Variants in CEP63 observed in about 807,000 individuals in gnomAD.
The protein encoded by CEP63 is centrosomal protein 63, also known as centrosomal protein of 63 kDa.
CEP63 carries 84 observed loss-of-function variants against 89.1 expected under a neutral mutation model. The ratio of observed to expected loss-of-function variants is 0.94; its 90% CI spans 0.79 to 1.13. The LOEUF (loss-of-function observed/expected upper bound fraction) is 1.13. Ranked by LOEUF, CEP63 falls within the 50% of genes most tolerant of loss-of-function variation. CEP63 has a pLI of 0.00. For missense variants in CEP63, 838 were observed against 813.3 expected (o/e 1.03, Z -0.37); for synonymous variants, 267 against 272.5 (o/e 0.98, Z 0.20).
chr3:134,722,107 G>A, the CEP63 span, among the ~76,000 whole-genome samples: 2 of 152,048 alleles, frequency 1.3e-5, no homozygotes, highest in Non-Finnish European at 2.9e-5. Flanking sequence ...GGCTTGGGCT[G>A]TTCTTTTTGG....
the CEP63 span, among the ~76,000 whole-genome samples, chr3:134,766,029 A>G: frequency 6.6e-6 from 1 of 152,202 alleles, no homozygotes; most frequent in Non-Finnish European, 1.5e-5. Context: ...CTGACTCCTC[A>G]TGATTTCCAA....
At chr3:134,567,537 C>T (rs1224294176), downstream of CEP63, among the ~76,000 whole-genome samples, 2 of 149,764 alleles carry the variant, frequency 1.3e-5, no homozygotes, top group East Asian at 2.0e-4. Flanking sequence ...TAAGGGAATA[C>T]CACAACACAT....
intron 1 of CEP63, among the ~76,000 whole-genome samples, chr3:134,491,157 T>C (rs747325536): frequency 2.0e-5 from 3 of 152,240 alleles, no homozygotes; most frequent in Admixed American, 6.5e-5. Flanking sequence ...GTCTCCTCTA[T>C]AGCAGTTGTG....
At chr3:134,682,555 C>G in the CEP63 span, among the ~76,000 whole-genome samples, 2 of 152,182 alleles carry the variant, frequency 1.3e-5, no homozygotes, top group Non-Finnish European at 2.9e-5. Context: ...CTCTGGAACA[C>G]TATTATTAAT....
the CEP63 span, among the ~76,000 whole-genome samples, chr3:134,766,894 C>A: frequency 5.9e-5 from 9 of 152,308 alleles, no homozygotes; most frequent in East Asian, 1.4e-3. Context: ...TCTGAACCCC[C>A]CTGACCAACC....
At chr3:134,747,370 T>A in the CEP63 span, among the ~76,000 whole-genome samples, 13 of 152,332 alleles carry the variant, frequency 8.5e-5, no homozygotes, top group African/African-American at 3.1e-4. Context: ...ACAGACATTG[T>A]CCCTGCCATC....
At chr3:134,485,783 G>C (rs1440829381), upstream of CEP63, 1 of 169,046 alleles carries the variant, frequency 5.9e-6, no homozygotes, top group Non-Finnish European at 1.2e-5. Flanking sequence ...GGGAGGTCTG[G>C]GGGTGCCACG....
the CEP63 span, chr3:134,624,992 C>A: frequency 6.9e-7 from 1 of 1,442,248 alleles, no homozygotes; most frequent in African/African-American, 1.4e-5. Context: ...AGAGGTTTTG[C>A]TGCCCTAGAA....
At chr3:134,762,185 T>C in the CEP63 span, among the ~76,000 whole-genome samples, 2 of 152,132 alleles carry the variant, frequency 1.3e-5, no homozygotes, top group Admixed American at 6.5e-5. Flanking sequence ...GTTCAGACTC[T>C]AAAATATCAG....
intron 10 of CEP63, among the ~76,000 whole-genome samples, chr3:134,586,518 G>T (rs746141140): frequency 1.3e-5 from 2 of 152,116 alleles, no homozygotes; most frequent in Non-Finnish European, 2.9e-5. Flanking sequence ...TTGAATATTG[G>T]CCCCACTCTC....
intron 2 of CEP63, among the ~76,000 whole-genome samples, chr3:134,503,470 AT>A (rs1355104188): frequency 1.3e-5 from 2 of 152,126 alleles, no homozygotes; most frequent in African/African-American, 4.8e-5. Flanking sequence ...GTGCTAAAGA[AT>A]GTGTATTCTG....
At chr3:134,652,053 C>T in the CEP63 span, among the ~76,000 whole-genome samples, 1 of 152,136 alleles carries the variant, frequency 6.6e-6, no homozygotes, top group African/African-American at 2.4e-5. Context: ...CCTGAGAGTT[C>T]CCAGATCCTC....
chr3:134,500,294 T>C (rs1406481267), intron 2 of CEP63, among the ~76,000 whole-genome samples: 1 of 152,230 alleles, frequency 6.6e-6, no homozygotes, highest in Non-Finnish European at 1.5e-5. Flanking sequence ...TATGGCTGTG[T>C]AGTATTCCAT....
At chr3:134,567,166 A>G (rs567734004), downstream of CEP63, among the ~76,000 whole-genome samples, 18 of 151,840 alleles carry the variant, frequency 1.2e-4, no homozygotes, top group African/African-American at 3.6e-4. Flanking sequence ...AAAAAAAAAA[A>G]TCACATATTG....
the CEP63 span, among the ~76,000 whole-genome samples, chr3:134,617,910 G>A: frequency 1.3e-5 from 2 of 152,122 alleles, no homozygotes; most frequent in Non-Finnish European, 2.9e-5. Context: ...AGTGATGTTA[G>A]GAACCCAGGA....
the CEP63 span, among the ~76,000 whole-genome samples, chr3:134,738,835 A>G: frequency 6.6e-6 from 1 of 152,344 alleles, no homozygotes; most frequent in African/African-American, 2.4e-5. Flanking sequence ...AAAATATCTT[A>G]ATAGCGTTTC....
the CEP63 span, among the ~76,000 whole-genome samples, chr3:134,690,783 C>G: frequency 6.8e-5 from 9 of 133,194 alleles, no homozygotes; most frequent in African/African-American, 3.1e-4. Context: ...GAGTCTCGCT[C>G]TGTCACCCAG....
intron 13 of CEP63, 106 bp downstream of exon 13, chr3:134,558,453 C>A: frequency 1.2e-6 from 1 of 835,450 alleles, no homozygotes; most frequent in Non-Finnish European, 2.0e-6. Context: ...CATCAAAGGA[C>A]TCTATGTTTA....
the CEP63 span, among the ~76,000 whole-genome samples, chr3:134,657,999 C>T: frequency 4.0e-4 from 61 of 152,162 alleles, no homozygotes; most frequent in Admixed American, 1.2e-3. Flanking sequence ...CAGGTTCAAG[C>T]GATTTTCCTG....
Sources: gnomAD v4.1 joint callset for allele counts (sites outside exome capture counted in the v4.1 genomes callset) on GRCh38, gnomAD v4.1.1 for gene constraint, MANE v1.5 for transcripts, NCBI Gene and HGNC (gene_info 2026-07-23, HGNC 2026-07-21) for gene names.